The following TACC1 variants were observed in gnomAD, a reference collection of about 807,000 sequenced individuals.
The protein encoded by TACC1 is transforming acidic coiled-coil containing protein 1, also known as transforming acidic coiled-coil-containing protein 1.
TACC1 carries 48 observed loss-of-function variants against 84.4 expected under a neutral mutation model. The ratio of observed to expected loss-of-function variants is 0.57; its 90% CI spans 0.45 to 0.72. TACC1 has a LOEUF of 0.72. TACC1 is among the 30% of genes least tolerant of loss of function. The pLI is 0.00. For missense variants in TACC1, 920 were observed against 973.0 expected, an observed-to-expected ratio of 0.95 and a Z score of 0.72; for synonymous variants, 372 against 376.3, an observed-to-expected ratio of 0.99 and a Z score of 0.13.
At chr8:38,742,167 C>CT (rs956630961) in intron 1 of TACC1, among the ~76,000 whole-genome samples, 7 of 151,924 alleles carry the variant, frequency 4.6e-5, no homozygotes, top group South Asian at 2.1e-4. Context: ...GGAACAAAGA[C>CT]TTTTTTTTGC....
chr8:38,742,354 CA>C, exon 2 of TACC1: 1 of 1,405,490 alleles, frequency 7.1e-7, no homozygotes, highest in Admixed American at 2.3e-5. Context: ...CTTCCAGTCC[CA>C]AGGGTTCCAA....
chr8:38,789,399 C>G (rs1818123978), intron 2 of TACC1, among the ~76,000 whole-genome samples: 1 of 152,138 alleles, frequency 6.6e-6, no homozygotes, highest in Non-Finnish European at 1.5e-5. Flanking sequence ...TTTTTTGTCA[C>G]ACAGCCAGTT....
chr8:38,741,157 ATT>A (rs34749807), intron 1 of TACC1, among the ~76,000 whole-genome samples: 43 of 137,728 alleles, frequency 3.1e-4, no homozygotes, highest in Middle Eastern at 3.8e-3. Flanking sequence ...TCATGCTGCT[ATT>A]TTTTTTTTTT....
intron 1 of TACC1, among the ~76,000 whole-genome samples, chr8:38,734,250 T>C (rs1805518514): frequency 6.6e-6 from 1 of 152,174 alleles, no homozygotes; most frequent in Non-Finnish European, 1.5e-5. Context: ...TGGAGTGCAG[T>C]GGTGTGATCT....
chr8:38,813,287 A>G (rs982804973), intron 2 of TACC1, among the ~76,000 whole-genome samples: 1 of 152,218 alleles, frequency 6.6e-6, no homozygotes, highest in Non-Finnish European at 1.5e-5. Flanking sequence ...CTCAGATGTT[A>G]TGTGATCAAG....
At chr8:38,782,855 G>A (rs960023157), upstream of TACC1, among the ~76,000 whole-genome samples, 4 of 151,818 alleles carry the variant, frequency 2.6e-5, no homozygotes, top group African/African-American at 7.3e-5. Flanking sequence ...ATAATGTTGG[G>A]GTTATTTTTC....
intron 5 of TACC1, among the ~76,000 whole-genome samples, chr8:38,830,472 C>T (rs1029671321): frequency 2.0e-5 from 3 of 152,128 alleles, no homozygotes; most frequent in Admixed American, 2.0e-4. Flanking sequence ...GAGGCTTCGC[C>T]ATGTTGGCTA....
intron 3 of TACC1, among the ~76,000 whole-genome samples, chr8:38,822,266 A>G (rs13275651): frequency 0.12 from 18,467 of 147,818 alleles, 1,461 homozygotes; most frequent in South Asian, 0.28. Flanking sequence ...AAAAAAAAAA[A>G]CTACTATAGG....
At chr8:38,808,320 G>A (rs570234044) in intron 2 of TACC1, among the ~76,000 whole-genome samples, 2 of 152,332 alleles carry the variant, frequency 1.3e-5, no homozygotes, top group South Asian at 4.1e-4. Context: ...CTTCATTATG[G>A]GAGATTGGGA....
chr8:38,816,998 C>T (rs1007460198), intron 2 of TACC1, among the ~76,000 whole-genome samples: 13 of 152,164 alleles, frequency 8.5e-5, no homozygotes, highest in African/African-American at 2.9e-4. Flanking sequence ...CCCAGTCATT[C>T]ATTAACACAC....
chr8:38,811,906 T>C (rs527682487), intron 2 of TACC1, among the ~76,000 whole-genome samples: 1 of 152,268 alleles, frequency 6.6e-6, no homozygotes, highest in East Asian at 1.9e-4. Flanking sequence ...AGGAGAGAGA[T>C]TGCTGAATTC....
chr8:38,821,115 G>T (rs1388189191), intron 3 of TACC1, among the ~76,000 whole-genome samples: 1 of 151,802 alleles, frequency 6.6e-6, no homozygotes, highest in Non-Finnish European at 1.5e-5. Flanking sequence ...TGAGACATGA[G>T]AATTGCTTGA....
chr8:38,782,055 A>T (rs1374316181), intron 3 of TACC1, among the ~76,000 whole-genome samples: 1 of 146,338 alleles, frequency 6.8e-6, no homozygotes, highest in Non-Finnish European at 1.5e-5. Context: ...GTTTTAGGGT[A>T]CATGTGCACA....
chr8:38,745,966 T>C (rs1377984182), intron 3 of TACC1, among the ~76,000 whole-genome samples: 1 of 152,166 alleles, frequency 6.6e-6, no homozygotes, highest in Non-Finnish European at 1.5e-5. Context: ...TTGCCTCAGC[T>C]AGCATGCTCA....
chr8:38,824,645 G>C (rs1389138618), intron 3 of TACC1: 1 of 152,482 alleles, frequency 6.6e-6, no homozygotes, highest in African/African-American at 2.4e-5. Flanking sequence ...ATCTGAATTA[G>C]TCCTGTGATC....
chr8:38,737,171 C>CAGA (rs1245917301), intron 1 of TACC1, among the ~76,000 whole-genome samples: 1 of 152,164 alleles, frequency 6.6e-6, no homozygotes, highest in East Asian at 1.9e-4. Flanking sequence ...CGGACTAAAA[C>CAGA]AGAAGTCTTG....
intron 2 of TACC1, among the ~76,000 whole-genome samples, chr8:38,806,310 C>A (rs1202563205): frequency 6.6e-6 from 1 of 152,126 alleles, no homozygotes; most frequent in Non-Finnish European, 1.5e-5. Flanking sequence ...CAGCAGGAAC[C>A]CTGGAGCCCT....
chr8:38,829,445 G>GT (rs1169078502), intron 5 of TACC1, among the ~76,000 whole-genome samples: 3 of 152,062 alleles, frequency 2.0e-5, no homozygotes, highest in Non-Finnish European at 4.4e-5. Context: ...ACCTGCCTTG[G>GT]TTTTTTTCCA....
chr8:38,795,289 C>T (rs1338013436), intron 2 of TACC1, among the ~76,000 whole-genome samples: 3 of 152,338 alleles, frequency 2.0e-5, no homozygotes, highest in African/African-American at 7.2e-5. Context: ...CAAAGTCTAC[C>T]TGCAGAAAGG....
Sources: allele counts gnomAD v4.1 joint callset (sites outside exome capture counted in the v4.1 genomes callset), GRCh38; gene constraint gnomAD v4.1.1; transcripts MANE v1.5; gene names NCBI Gene and HGNC (gene_info 2026-07-23, HGNC 2026-07-21).